Variants in EXOC6B observed in about 807,000 individuals in gnomAD.
EXOC6B encodes the protein exocyst complex component 6B, also known as SEC15 homolog B.
A neutral mutation model predicts 113.5 loss-of-function variants in EXOC6B; 54 were observed. The ratio of observed to expected loss-of-function variants is 0.48; its 90% CI spans 0.38 to 0.60. The LOEUF (loss-of-function observed/expected upper bound fraction) is 0.60. EXOC6B is among the 20% of genes least tolerant of loss of function. The pLI is 0.00. For synonymous variants in EXOC6B, 357 were observed against 339.0 expected, an observed-to-expected ratio of 1.05 and a Z score of -0.58; for missense variants, 797 against 977.5, an observed-to-expected ratio of 0.82 and a Z score of 2.46.
At chr2:72,414,345 C>T (rs1694383524) in intron 18 of EXOC6B, among the ~76,000 whole-genome samples, 1 of 152,126 alleles carries the variant, frequency 6.6e-6, no homozygotes, top group Admixed American at 6.5e-5. Flanking sequence ...TCCAAAAACC[C>T]TTGAAAAATA....
intron 6 of EXOC6B, among the ~76,000 whole-genome samples, chr2:72,624,097 G>A (rs1671906503): frequency 6.6e-6 from 1 of 152,012 alleles, no homozygotes; most frequent in Non-Finnish European, 1.5e-5. Flanking sequence ...GATATGAAGA[G>A]CAACTCTATA....
intron 20 of EXOC6B, among the ~76,000 whole-genome samples, chr2:72,293,623 G>A (rs1685944576): frequency 6.6e-6 from 1 of 152,164 alleles, no homozygotes; most frequent in African/African-American, 2.4e-5. Flanking sequence ...GTTTTTAAAA[G>A]TGAAAGTCTG....
chr2:72,752,770 A>C (rs1682139270), intron 1 of EXOC6B, among the ~76,000 whole-genome samples: 1 of 152,016 alleles, frequency 6.6e-6, no homozygotes, highest in Non-Finnish European at 1.5e-5. Context: ...TGTCAAATCA[A>C]ATATTCACTT....
intron 1 of EXOC6B, among the ~76,000 whole-genome samples, chr2:72,744,354 A>G (rs1236499814): frequency 6.6e-6 from 1 of 152,228 alleles, no homozygotes; most frequent in Admixed American, 6.5e-5. Flanking sequence ...TTCCTTTGAA[A>G]TAAAGGGAGA....
chr2:72,707,384 T>A (rs1489131787), intron 6 of EXOC6B, among the ~76,000 whole-genome samples: 1 of 151,846 alleles, frequency 6.6e-6, no homozygotes, highest in Non-Finnish European at 1.5e-5. Flanking sequence ...TACCTTATAG[T>A]CCTATTATTC....
At chr2:72,699,704 TA>T (rs959585804) in intron 6 of EXOC6B, among the ~76,000 whole-genome samples, 1 of 151,816 alleles carries the variant, frequency 6.6e-6, no homozygotes, top group African/African-American at 2.4e-5. Context: ...TTAGCCTGAT[TA>T]AAAAAAACAA....
chr2:72,405,610 T>C (rs1015680550), intron 18 of EXOC6B, among the ~76,000 whole-genome samples: 1 of 152,144 alleles, frequency 6.6e-6, no homozygotes, highest in Non-Finnish European at 1.5e-5. Context: ...CGAAGCTTCA[T>C]AAGTGAAGGA....
chr2:72,345,438 T>C (rs1032920072), intron 19 of EXOC6B, among the ~76,000 whole-genome samples: 3 of 152,108 alleles, frequency 2.0e-5, no homozygotes, highest in Non-Finnish European at 4.4e-5. Flanking sequence ...AGATGTCCTT[T>C]AGTAGGTGAA....
chr2:72,326,434 C>T (rs1572916977), intron 20 of EXOC6B, among the ~76,000 whole-genome samples: 1 of 152,092 alleles, frequency 6.6e-6, no homozygotes, highest in East Asian at 1.9e-4. Context: ...TCACAGGTTA[C>T]CTAGGTCCCC....
rs143968459 is a variant in EXOC6B at position 72,231,245 on chromosome 2, GA to G, written c.2197-47059del. Reference sequence around the variant, plus strand: ...AAAAGACCTGATTGCCAAATCTGGGGAAATAGATTAGTCAACAAGAGTGCTG... The same window carrying G: ...AAAAGACCTGATTGCCAAATCTGGGGAATAGATTAGTCAACAAGAGTGCTG... On this transcript the variant is annotated intron_variant, in intron 20 of 21. Coordinates refer to ENST00000272427, the MANE Select transcript of EXOC6B (RefSeq NM_015189.3). Among the ~76,000 whole-genome samples the G allele has an allele frequency of 9.3e-3, 1,415 of 152,204 alleles. 23 individuals carry two copies. Among genetic ancestry groups the G allele is most frequent in the African/African-American group, 0.031 (1,304 of 41,518 alleles).
At chr2:72,657,580 T>TTC (rs972295761) in intron 6 of EXOC6B, among the ~76,000 whole-genome samples, 1 of 134,214 alleles carries the variant, frequency 7.5e-6, no homozygotes, top group African/African-American at 2.8e-5. Context: ...TTTTTTTTTT[T>TTC]TTTTTTTTTT....
At chr2:72,340,267 T>C (rs1688946539) in intron 19 of EXOC6B, among the ~76,000 whole-genome samples, 1 of 152,168 alleles carries the variant, frequency 6.6e-6, no homozygotes, top group Non-Finnish European at 1.5e-5. Context: ...TCTATCTACA[T>C]ATATAGGACA....
rs150791359 is a variant in EXOC6B at position 72,771,160 on chromosome 2, A to G, written c.114-29691T>C. On this transcript the variant is annotated intron_variant, in intron 1 of 21. Coordinates refer to ENST00000272427, the MANE Select transcript of EXOC6B (RefSeq NM_015189.3). ...TCTTCAACTGCTGAAAACATTTCAT[A>G]CTCATCACAAGCACAATAAAACACT... is the stretch of plus-strand genomic sequence containing the variant. Among the ~76,000 whole-genome samples the G allele has an allele frequency of 3.0e-3, 450 of 152,304 alleles. 2 individuals are homozygous for G. The highest frequency in any genetic ancestry group is 8.0e-3 in the African/African-American group (331 of 41,574).
intron 16 of EXOC6B, among the ~76,000 whole-genome samples, chr2:72,488,828 C>G (rs1301535751): frequency 6.6e-6 from 1 of 152,154 alleles, no homozygotes; most frequent in African/African-American, 2.4e-5. Context: ...ATGTGATCCT[C>G]TCAAAATATA....
intron 20 of EXOC6B, among the ~76,000 whole-genome samples, chr2:72,281,584 T>C (rs1685135706): frequency 6.6e-6 from 1 of 152,198 alleles, no homozygotes. Context: ...ACAAAATGTC[T>C]AGACAGAAGC....
chr2:72,552,480 A>G (rs1379160494), intron 8 of EXOC6B, among the ~76,000 whole-genome samples: 1 of 152,140 alleles, frequency 6.6e-6, no homozygotes, highest in Non-Finnish European at 1.5e-5. Context: ...GTTGTTTCAT[A>G]AAATAGAAAA....
intron 8 of EXOC6B, among the ~76,000 whole-genome samples, chr2:72,553,248 A>G (rs1346452237): frequency 6.6e-6 from 1 of 152,118 alleles, no homozygotes; most frequent in African/African-American, 2.4e-5. Context: ...GTATTTTGCT[A>G]TTTATCTAAC....
intron 5 of EXOC6B, among the ~76,000 whole-genome samples, chr2:72,728,227 T>C (rs893807570): frequency 5.9e-5 from 9 of 152,176 alleles, no homozygotes; most frequent in Non-Finnish European, 1.3e-4. Context: ...ATATAGACCC[T>C]AGACCAACAG....
chr2:72,301,803 T>C (rs1686549153), intron 20 of EXOC6B, among the ~76,000 whole-genome samples: 4 of 152,202 alleles, frequency 2.6e-5, no homozygotes, highest in African/African-American at 9.7e-5. Context: ...CCTAGATTTG[T>C]TGATCCTGTG....
Sources: allele counts gnomAD v4.1 joint callset (sites outside exome capture counted in the v4.1 genomes callset), GRCh38; gene constraint gnomAD v4.1.1; transcripts MANE v1.5; gene names NCBI Gene and HGNC (gene_info 2026-07-23, HGNC 2026-07-21).